NDUFA12: variants seen among roughly 807,000 people sequenced by gnomAD.
The protein encoded by NDUFA12 is NADH:ubiquinone oxidoreductase subunit A12.
Under a neutral mutation model 20.3 loss-of-function variants are expected in NDUFA12, and 17 were observed. The ratio of observed to expected loss-of-function variants is 0.84; its 90% CI spans 0.57 to 1.26. NDUFA12 has a LOEUF of 1.26. Ranked by LOEUF, NDUFA12 falls within the 50% of genes most tolerant of loss-of-function variation. NDUFA12 has a pLI of 0.00. For synonymous variants in NDUFA12, 72 were observed against 63.6 expected (o/e 1.13, Z -0.63); for missense variants, 191 against 183.7 (o/e 1.04, Z -0.23).
At chr12:94,974,011 G>A (rs61935718) in intron 3 of NDUFA12, among the ~76,000 whole-genome samples, 1,897 of 142,492 alleles carry the variant, frequency 0.013, 26 homozygotes, top group South Asian at 0.043. Flanking sequence ...TTGCTCTGTG[G>A]CGCAGGCTGG....
At chr12:94,986,189 T>A (rs1222757615) in intron 3 of NDUFA12, among the ~76,000 whole-genome samples, 1 of 151,818 alleles carries the variant, frequency 6.6e-6, no homozygotes, top group African/African-American at 2.4e-5. Flanking sequence ...TGTAGTGGGC[T>A]ATTAATGTGC....
At chr12:94,971,955 C>T (rs753136476) in intron 3 of NDUFA12, among the ~76,000 whole-genome samples, 1 of 151,994 alleles carries the variant, frequency 6.6e-6, no homozygotes, top group Non-Finnish European at 1.5e-5. Context: ...CAGGGTCTCA[C>T]TCTGTCACCC....
chr12:94,981,956 GCT>G (rs1874252829), intron 3 of NDUFA12, among the ~76,000 whole-genome samples: 1 of 152,146 alleles, frequency 6.6e-6, no homozygotes, highest in Non-Finnish European at 1.5e-5. Context: ...GATAAAATGA[GCT>G]CATTTTTCCA....
intron 3 of NDUFA12, 21 bp downstream of exon 3, chr12:94,994,149 T>C (rs1874741303): frequency 6.2e-7 from 1 of 1,603,826 alleles, no homozygotes; most frequent in Non-Finnish European, 8.5e-7. Flanking sequence ...GAAAGACAAA[T>C]AAAATGTTGT....
chr12:94,998,765 A>G (rs1874922617), intron 2 of NDUFA12, among the ~76,000 whole-genome samples: 1 of 152,208 alleles, frequency 6.6e-6, no homozygotes, highest in African/African-American at 2.4e-5. Context: ...ACTTAGGAAT[A>G]TACTTAACCA....
Position 95,002,755 on chromosome 12 carries a change from G to T in NDUFA12, c.153C>A (p.Asp51Glu), listed in dbSNP as rs1337871390. Residue 51 changes from aspartate to glutamate, a missense_variant, in exon 2 of 4, where the codon GAC (aspartate) becomes GAA (glutamate). Coordinates refer to ENST00000327772, the MANE Select transcript of NDUFA12 (RefSeq NM_018838.5). ...EDKYGNKYYE[D>E]NKQFFGRHRW... ...TGCACTCACCAAAAAATTGCTTGTT[G>T]TCTTCATAGTATTTGTTTCCATATT... 1.2e-6 allele frequency: 2 copies of T among 1,613,678 alleles called. No homozygotes were observed. The highest frequency in any genetic ancestry group is 1.7e-6 in the Non-Finnish European group (2 of 1,179,790).
chr12:94,984,618 T>C (rs1874350202), intron 3 of NDUFA12, among the ~76,000 whole-genome samples: 1 of 146,568 alleles, frequency 6.8e-6, no homozygotes, highest in African/African-American at 2.6e-5. Flanking sequence ...ACAGAGAAAC[T>C]CTAAGATGAA....
intron 3 of NDUFA12, among the ~76,000 whole-genome samples, chr12:94,985,142 G>A (rs952334476): frequency 1.1e-4 from 17 of 151,962 alleles, no homozygotes; most frequent in Admixed American, 9.2e-4. Flanking sequence ...GGGTAACATA[G>A]GGAGACTGTG....
At chr12:94,992,159 C>T (rs957376644) in intron 3 of NDUFA12, among the ~76,000 whole-genome samples, 1 of 152,224 alleles carries the variant, frequency 6.6e-6, no homozygotes, top group African/African-American at 2.4e-5. Context: ...TGTATATCAA[C>T]TGTATGGTAT....
chr12:94,990,162 G>T (rs1188501881), intron 3 of NDUFA12, among the ~76,000 whole-genome samples: 1 of 151,930 alleles, frequency 6.6e-6, no homozygotes, highest in Middle Eastern at 3.4e-3. Flanking sequence ...GATCTGTGCA[G>T]CAAACCATCA....
chr12:94,988,576 T>C (rs1172098531), intron 3 of NDUFA12, among the ~76,000 whole-genome samples: 2 of 152,178 alleles, frequency 1.3e-5, no homozygotes. Flanking sequence ...AAGAGATGAA[T>C]AACTCCTCCC....
At chr12:94,991,307 T>C (rs1874635365) in intron 3 of NDUFA12, among the ~76,000 whole-genome samples, 1 of 151,934 alleles carries the variant, frequency 6.6e-6, no homozygotes, top group Non-Finnish European at 1.5e-5. Context: ...TAAAATGTTC[T>C]GGGCCACACG....
chr12:94,991,632 C>T lies in NDUFA12; in HGVS notation c.257+2538G>A, dbSNP rs555647543. Among the ~76,000 whole-genome samples, 125 of 147,316 alleles carry T rather than the reference C, an allele frequency of 8.5e-4. 1 individual carries two copies. The highest frequency in any genetic ancestry group is 3.0e-3 in the African/African-American group (120 of 40,148). ...GTCCCAGCTACTTGAGAGGCTGAGG[C>T]GGGAGAATTGCTTGAACCTGGGAGG... On this transcript the variant is annotated intron_variant, in intron 3 of 3. Transcript: ENST00000327772.
intron 3 of NDUFA12, among the ~76,000 whole-genome samples, chr12:94,978,105 G>A (rs1874117213): frequency 6.6e-6 from 1 of 152,248 alleles, no homozygotes; most frequent in Non-Finnish European, 1.5e-5. Flanking sequence ...CATGCAGACT[G>A]TGATCACATA....
At chr12:94,995,078 C>G (rs965420294) in intron 2 of NDUFA12, among the ~76,000 whole-genome samples, 1 of 152,180 alleles carries the variant, frequency 6.6e-6, no homozygotes, top group African/African-American at 2.4e-5. Context: ...CTACCCCTTC[C>G]TTACTGCTCT....
chr12:94,995,821 AT>A (rs1874806474), intron 2 of NDUFA12, among the ~76,000 whole-genome samples: 1 of 152,184 alleles, frequency 6.6e-6, no homozygotes, highest in African/African-American at 2.4e-5. Context: ...CTATGTGTCT[AT>A]CGATAGTAAC....
At chr12:94,999,932 C>G (rs1475017899) in intron 2 of NDUFA12, among the ~76,000 whole-genome samples, 1 of 152,196 alleles carries the variant, frequency 6.6e-6, no homozygotes, top group Non-Finnish European at 1.5e-5. Flanking sequence ...CCTTAAAGAA[C>G]TGAAGGCAGA....
At chr12:94,990,032 G>A (rs184601750) in intron 3 of NDUFA12, among the ~76,000 whole-genome samples, 32 of 152,192 alleles carry the variant, frequency 2.1e-4, no homozygotes, top group African/African-American at 7.7e-4. Context: ...ATTCCATGTT[G>A]ACACCTTGGT....
At chr12:94,986,056 G>A (rs764505190) in intron 3 of NDUFA12, among the ~76,000 whole-genome samples, 33 of 151,402 alleles carry the variant, frequency 2.2e-4, no homozygotes, top group Non-Finnish European at 4.4e-4. Context: ...CTGCATCCCA[G>A]TCTGGGCGAC....
Sources: allele counts gnomAD v4.1 joint callset (sites outside exome capture counted in the v4.1 genomes callset), GRCh38; gene constraint gnomAD v4.1.1; transcripts MANE v1.5; gene names NCBI Gene and HGNC (gene_info 2026-07-23, HGNC 2026-07-21).